The following ZBTB1 variants were observed in gnomAD, a reference collection of about 807,000 sequenced individuals.
ZBTB1 encodes zinc finger and BTB domain containing 1, also known as zinc finger and BTB domain-containing protein 1.
A neutral mutation model predicts 51.6 loss-of-function variants in ZBTB1; 13 were observed. That is an observed-to-expected ratio of 0.25 (90% CI 0.16 to 0.40). The LOEUF (loss-of-function observed/expected upper bound fraction) is 0.40. Ranked by LOEUF, ZBTB1 falls within the 10% of genes least tolerant of loss-of-function variation. The pLI is 1.00. For missense variants in ZBTB1, 567 were observed against 856.5 expected (o/e 0.66, Z 4.22); for synonymous variants, 240 against 282.2 (o/e 0.85, Z 1.50).
Position 64,524,357 on chromosome 14 carries a change from TAGTG to T in ZBTB1, c.*712_*715del. On this transcript the variant is annotated 3_prime_UTR_variant, in exon 2 of 2. Transcript: ENST00000683701. ...AGTGGCTTTACCTCACTTGAAAAAT[TAGTG>T]GGGATAAGCCATTTTGTTTTGTGAT... 2.2e-6 allele frequency: 2 copies of T among 902,708 alleles called. No homozygotes were observed. Among genetic ancestry groups the T allele is most frequent in the Non-Finnish European group, 2.7e-6 (2 of 754,602 alleles). The allele number at this position is 902,708 out of a possible 1,614,324, so 55.9% of individuals were successfully genotyped here.
At chr14:64,506,468 G>A (rs2079658462) in intron 1 of ZBTB1, among the ~76,000 whole-genome samples, 1 of 152,182 alleles carries the variant, frequency 6.6e-6, no homozygotes, top group Non-Finnish European at 1.5e-5. Flanking sequence ...GGGAGGCGGA[G>A]GTTGCAGTGA....
At chr14:64,518,904 G>GTGTATATATATATATATATATATATA (rs71444662) in intron 1 of ZBTB1, among the ~76,000 whole-genome samples, 6 of 95,122 alleles carry the variant, frequency 6.3e-5, no homozygotes, top group Non-Finnish European at 1.2e-4. Context: ...TTGCAGAGAG[G>GTGTATATATATATATATATATATATA]TATATATATA....
intron 2 of ZBTB1, among the ~76,000 whole-genome samples, chr14:64,530,150 G>C (rs1281611163): frequency 1.2e-4 from 19 of 152,144 alleles, no homozygotes; most frequent in Admixed American, 1.2e-3. Flanking sequence ...ATACTACTAT[G>C]TTAAACCTAC....
At chr14:64,516,482 C>T (rs2079787299) in intron 1 of ZBTB1, 1 of 152,210 alleles carries the variant, frequency 6.6e-6, no homozygotes, top group Admixed American at 6.5e-5. Context: ...AGCATTTGTT[C>T]AGCTTCCATT....
Position 64,523,676 on chromosome 14 carries a change from G to T in ZBTB1, c.*30G>T, listed in dbSNP as rs1182879351. 8 of 1,504,520 alleles carry T rather than the reference G, an allele frequency of 5.3e-6. No homozygotes were observed. The highest frequency in any genetic ancestry group is 2.4e-4 in the Middle Eastern group (1 of 4,210). The allele number at this position is 1,504,520 out of a possible 1,614,324, so 93.2% of individuals were successfully genotyped here. On this transcript the variant is annotated 3_prime_UTR_variant, in exon 2 of 2. Transcript: ENST00000683701. This position sits in a 1 kb window ranked among gnomAD's most constrained non-coding sequence, Gnocchi z 4.5. Reference sequence around the variant, plus strand: ...TTTTCTACTGTACTAATGTTTAGATGATAGCAGATAAAACACCAAAGCAAA... The same window carrying T: ...TTTTCTACTGTACTAATGTTTAGATTATAGCAGATAAAACACCAAAGCAAA...
chr14:64,505,743 A>G (rs551705656), intron 1 of ZBTB1, among the ~76,000 whole-genome samples: 10 of 152,230 alleles, frequency 6.6e-5, no homozygotes, highest in Admixed American at 2.0e-4. Flanking sequence ...GAAGAGGTTG[A>G]TGAAAATCCT....
chr14:64,506,793 G>C (rs1277627403), intron 1 of ZBTB1, among the ~76,000 whole-genome samples: 1 of 152,122 alleles, frequency 6.6e-6, no homozygotes, highest in Non-Finnish European at 1.5e-5. Context: ...GGGTTTTTGT[G>C]GGGAAGGGAC....
Position 64,522,798 on chromosome 14 carries a change from G to A in ZBTB1, c.1294G>A (p.Glu432Lys), listed in dbSNP as rs2079874103. Residue 432 changes from glutamate to lysine, a missense_variant, in exon 2 of 2, where the codon GAG becomes AAG. This residue lies in a region of ZBTB1 where 329 missense variants were observed against 406.3 expected (regional missense o/e 0.81). Coordinates refer to ENST00000683701, the MANE Select transcript of ZBTB1 (RefSeq NM_001123329.2). The stretch of plus-strand genomic sequence containing the variant: ...TGAGCTGTGTGGACTTACAATAACC[G>A]AGGAGGACCTGTCATCTCATTACTT... ...SCELCGLTIT[E>K]EDLSSHYLAK... The A allele has an allele frequency of 4.3e-6, 7 of 1,614,072 alleles. No individual in the cohort carries two copies. The highest frequency in any genetic ancestry group is 1.3e-5 in the African/African-American group (1 of 74,932).
chr14:64,523,552 T>G lies in ZBTB1; in HGVS notation c.2048T>G (p.Val683Gly), dbSNP rs2079880089. ...GAACAGTTGGAGCAGCACATGGATG[T>G]TCATCTGTATACATGTGGAATATGT... ...NNEQLEQHMDVHLYTCGICGA... is the reference protein window; with the variant it reads ...NNEQLEQHMDGHLYTCGICGA... Residue 683 changes from valine (V) to glycine (G), a missense_variant, in exon 2 of 2, where the codon GTT becomes GGT. Val to Gly is a moderately radical substitution (Grantham distance 109). Coordinates refer to ENST00000683701, the MANE Select transcript of ZBTB1 (RefSeq NM_001123329.2). The surrounding 1 kb of genome is among the most constrained non-coding windows in gnomAD (Gnocchi z 4.5). The G allele has an allele frequency of 1.3e-6, 2 of 1,567,918 alleles. No individual in the cohort carries two copies. The highest frequency in any genetic ancestry group is 1.7e-6 in the Non-Finnish European group (2 of 1,155,690).
chr14:64,507,869 G>C (rs2079683412), intron 1 of ZBTB1, among the ~76,000 whole-genome samples: 1 of 152,172 alleles, frequency 6.6e-6, no homozygotes, highest in South Asian at 2.1e-4. Context: ...AATTAGGAAG[G>C]AGTGGGTATA....
In ZBTB1 at chr14:64,523,625, C is replaced by T. The variant is rs1228484492; in HGVS notation, c.2121C>T (p.Ala707=). 6.5e-7 allele frequency: 1 copy of T among 1,549,018 alleles called. No individual in the cohort carries two copies. The highest frequency in any genetic ancestry group is 8.7e-7 in the Non-Finnish European group (1 of 1,145,826). Reference sequence around the variant, plus strand: ...AAGATATGAGATCACATTATAATGCCAAGCATTTGAAAAGAACCTGAGTGA... The same window carrying T: ...AAGATATGAGATCACATTATAATGCTAAGCATTTGAAAAGAACCTGAGTGA... ...LRKDMRSHYN[A]KHLKRT The change falls in exon 2 of 2, where the codon GCC becomes GCT. Residue 707 remains alanine (A), a synonymous_variant. Transcript: ENST00000683701. This position sits in a 1 kb window ranked among gnomAD's most constrained non-coding sequence, Gnocchi z 4.5.
intron 2 of ZBTB1, chr14:64,531,779 A>T: frequency 6.4e-7 from 1 of 1,567,952 alleles, no homozygotes. Context: ...AGAAATTCTG[A>T]TCTAAGAATT....
chr14:64,520,239 G>A (rs1042248596), intron 1 of ZBTB1, among the ~76,000 whole-genome samples: 11 of 152,016 alleles, frequency 7.2e-5, no homozygotes, highest in Admixed American at 2.0e-4. Context: ...TCCTGACCTC[G>A]TGATCCGCCC....
chr14:64,504,520 C>G (rs994962533), upstream of ZBTB1: 8 of 170,778 alleles, frequency 4.7e-5, no homozygotes, highest in African/African-American at 1.4e-4. Context: ...GTCAAGCCGC[C>G]GCCGCCGCGA....
chr14:64,513,125 C>G (rs922135594), intron 1 of ZBTB1, among the ~76,000 whole-genome samples: 1 of 151,922 alleles, frequency 6.6e-6, no homozygotes, highest in Non-Finnish European at 1.5e-5. Flanking sequence ...TAAAATGATA[C>G]CTATATATGG....
Position 64,522,275 on chromosome 14 carries a change from A to G in ZBTB1, c.771A>G (p.Arg257=). The G allele has an allele frequency of 6.2e-7, 1 of 1,614,228 alleles. No individual in the cohort carries two copies. ...CTTACCATAGAATAGTAGATATTAG[A>G]GATGGAAAAGACAGTAACATCAAAG... ...TRSYHRIVDI[R]DGKDSNIKAE... Residue 257 remains arginine (R), a synonymous_variant, in exon 2 of 2, where the codon AGA becomes AGG. Coordinates refer to ENST00000683701, the MANE Select transcript of ZBTB1 (RefSeq NM_001123329.2).
At chr14:64,508,213 G>A (rs927556070) in intron 1 of ZBTB1, among the ~76,000 whole-genome samples, 1 of 152,204 alleles carries the variant, frequency 6.6e-6, no homozygotes, top group Non-Finnish European at 1.5e-5. Context: ...ATACTACTCT[G>A]TCTTTGAATT....
chr14:64,528,490 G>C (rs991356410), downstream of ZBTB1, among the ~76,000 whole-genome samples: 1 of 151,714 alleles, frequency 6.6e-6, no homozygotes, highest in East Asian at 1.9e-4. Flanking sequence ...AACAACTTCT[G>C]GGATTGCAGG....
At position 64,522,024 on chromosome 14, in the gene ZBTB1, G is replaced by A. The variant is rs2079864718; in HGVS notation, c.520G>A (p.Glu174Lys). ...SSTVNTPHNR[E>K]ADEESLQLGN... ...AACGGTAAATACACCACATAATAGA[G>A]AGGCTGATGAAGAGTCTTTACAATT... is the stretch of plus-strand genomic sequence containing the variant. The change falls in exon 2 of 2, where the codon GAG becomes AAG. Residue 174 changes from glutamate to lysine, a missense_variant. Glu to Lys is a moderately conservative substitution (Grantham distance 56). Around this residue, in one of 5 missense-constraint regions of ZBTB1, gnomAD observed 74 missense variants for 74.9 expected, o/e 0.99. Coordinates refer to ENST00000683701, the MANE Select transcript of ZBTB1 (RefSeq NM_001123329.2). 6.2e-7 allele frequency: 1 copy of A among 1,614,082 alleles called. No individual in the cohort carries two copies. Among genetic ancestry groups the A allele is most frequent in the African/African-American group, 1.3e-5 (1 of 74,942 alleles).
Sources: allele counts gnomAD v4.1 joint callset (sites outside exome capture counted in the v4.1 genomes callset), GRCh38; gene constraint gnomAD v4.1.1; regional missense constraint gnomAD v4.1.1; non-coding constraint Gnocchi (gnomAD v3.1); transcripts MANE v1.5; gene names NCBI Gene and HGNC (gene_info 2026-07-23, HGNC 2026-07-21).